The following NUBPL variants were observed in gnomAD, a reference collection of about 807,000 sequenced individuals.
NUBPL encodes the protein iron-sulfur cluster transfer protein NUBPL.
In NUBPL, 31 loss-of-function variants were observed where a neutral mutation model predicts 45.7. The ratio of observed to expected loss-of-function variants is 0.68; its 90% confidence interval spans 0.51 to 0.92. The LOEUF is 0.92. Ranked by LOEUF, NUBPL falls within the 40% of genes least tolerant of loss-of-function variation. NUBPL has a pLI of 0.00. For missense variants in NUBPL, 401 were observed against 398.7 expected (o/e 1.01, Z -0.05); for synonymous variants, 144 against 140.9 (o/e 1.02, Z -0.15).
chr14:31,707,903 C>G (rs553835464), intron 6 of NUBPL, among the ~76,000 whole-genome samples: 2 of 152,270 alleles, frequency 1.3e-5, no homozygotes, highest in East Asian at 1.9e-4. Flanking sequence ...CCTGACCAAA[C>G]AGATGAGGGC....
chr14:31,817,311 T>C (rs1391178611), intron 7 of NUBPL, among the ~76,000 whole-genome samples: 1 of 151,986 alleles, frequency 6.6e-6, no homozygotes, highest in Non-Finnish European at 1.5e-5. Context: ...ACATTCAAAT[T>C]CAAGAAACAC....
chr14:31,738,670 A>T (rs1407978426), intron 6 of NUBPL, among the ~76,000 whole-genome samples: 1 of 152,150 alleles, frequency 6.6e-6, no homozygotes, highest in Non-Finnish European at 1.5e-5. Flanking sequence ...GGTAGCAACT[A>T]CTGTGTTTTT....
intron 6 of NUBPL, among the ~76,000 whole-genome samples, chr14:31,682,585 CT>C (rs2036858947): frequency 1.3e-5 from 2 of 151,630 alleles, no homozygotes; most frequent in East Asian, 3.9e-4. Flanking sequence ...CTGTTTTTTT[CT>C]TTTTTCTTAC....
chr14:31,634,143 T>G (rs1756030257), intron 4 of NUBPL, among the ~76,000 whole-genome samples: 1 of 151,896 alleles, frequency 6.6e-6, no homozygotes, highest in Admixed American at 6.6e-5. Context: ...ATGTGCAGGT[T>G]AGTTACATAT....
intron 7 of NUBPL, among the ~76,000 whole-genome samples, chr14:31,801,566 A>C (rs186546335): frequency 8.5e-5 from 13 of 152,348 alleles, no homozygotes; most frequent in African/African-American, 2.6e-4. Context: ...ACTGTCATTA[A>C]ACCTACAAAC....
chr14:31,747,276 C>T (rs917120900), intron 6 of NUBPL, among the ~76,000 whole-genome samples: 1 of 151,524 alleles, frequency 6.6e-6, no homozygotes. Flanking sequence ...GCTGTGACTA[C>T]AGGCGCCTGC....
intron 7 of NUBPL, among the ~76,000 whole-genome samples, chr14:31,825,820 T>TCC (rs2040092736): frequency 6.6e-6 from 1 of 151,348 alleles, no homozygotes; most frequent in African/African-American, 2.4e-5. Context: ...CTCCTCCTCC[T>TCC]TCTTCTTCTT....
chr14:31,817,706 A>G (rs1412966766), intron 7 of NUBPL, among the ~76,000 whole-genome samples: 1 of 152,252 alleles, frequency 6.6e-6, no homozygotes, highest in Non-Finnish European at 1.5e-5. Flanking sequence ...CTGCAAAAAC[A>G]TACCAAGTTG....
At chr14:31,742,848 A>G (rs576540301) in intron 6 of NUBPL, among the ~76,000 whole-genome samples, 2 of 150,526 alleles carry the variant, frequency 1.3e-5, no homozygotes, top group East Asian at 3.9e-4. Context: ...CTCAAGTAAT[A>G]TGCCTGCCTC....
intron 6 of NUBPL, among the ~76,000 whole-genome samples, chr14:31,721,725 A>T (rs2037812942): frequency 6.6e-6 from 1 of 151,988 alleles, no homozygotes; most frequent in African/African-American, 2.4e-5. Flanking sequence ...TCACACAGGT[A>T]CTAAGCCCAG....
At chr14:31,838,368 A>G (rs1269383782) in intron 8 of NUBPL, among the ~76,000 whole-genome samples, 9 of 151,942 alleles carry the variant, frequency 5.9e-5, no homozygotes, top group African/African-American at 2.2e-4. Context: ...AAACAACCCA[A>G]ATGACCCAAA....
Position 31,582,768 on chromosome 14 carries a change from C to A in NUBPL, c.292-16521C>A, listed in dbSNP as rs114306542. On this transcript the variant is annotated intron_variant, in intron 3 of 10. Coordinates refer to ENST00000281081, the MANE Select transcript of NUBPL (RefSeq NM_025152.3). ...ACGATACATGTTTTGAGCATCATGTCTTTACAAAAGTAGCCTGATAGTAGA... is the reference window on the plus strand; with the variant it reads ...ACGATACATGTTTTGAGCATCATGTATTTACAAAAGTAGCCTGATAGTAGA... 7.8e-3 allele frequency among the ~76,000 whole-genome samples: 1,183 copies of A among 152,142 alleles called. 17 individuals are homozygous for A. Among genetic ancestry groups the A allele is most frequent in the African/African-American group, 0.027 (1,109 of 41,512 alleles).
intron 6 of NUBPL, among the ~76,000 whole-genome samples, chr14:31,722,551 C>G (rs1229136710): frequency 6.6e-6 from 1 of 152,182 alleles, no homozygotes; most frequent in Non-Finnish European, 1.5e-5. Flanking sequence ...AATTTACACT[C>G]CCATCAACAA....
chr14:31,844,804 T>C (rs937574306), intron 8 of NUBPL: 1 of 152,238 alleles, frequency 6.6e-6, no homozygotes, highest in African/African-American at 2.4e-5. Flanking sequence ...TTCTGCATTT[T>C]TATTGTAATC....
rs888454931 is a variant in NUBPL, at chr14:31,685,528, A to G, written c.513+11954A>G. Among the ~76,000 whole-genome samples, 4 of 152,038 alleles carry G rather than the reference A, an allele frequency of 2.6e-5. No homozygotes were observed. In the South Asian group the frequency reaches 8.3e-4, roughly 32 times the overall value. On this transcript the variant is annotated intron_variant, in intron 6 of 10. Transcript: ENST00000281081. The stretch of plus-strand genomic sequence containing the variant: ...AAAGCCTTTTTTTTTCTTAAAGAGG[A>G]CAGCCATACCTTTTACAAGGTGAAA...
At chr14:31,594,792 A>G (rs552935685) in intron 3 of NUBPL, among the ~76,000 whole-genome samples, 28 of 152,348 alleles carry the variant, frequency 1.8e-4, no homozygotes, top group African/African-American at 6.3e-4. Flanking sequence ...AGCTAGGCAG[A>G]AAGAGAAGAA....
At chr14:31,733,562 T>C (rs961126020) in intron 6 of NUBPL, among the ~76,000 whole-genome samples, 1 of 152,182 alleles carries the variant, frequency 6.6e-6, no homozygotes, top group African/African-American at 2.4e-5. Flanking sequence ...GTTGGTTTTA[T>C]TTCTATTTTT....
At chr14:31,777,729 C>T (rs11627538) in intron 6 of NUBPL, among the ~76,000 whole-genome samples, 9,551 of 152,232 alleles carry the variant, frequency 0.063, 406 homozygotes, top group Non-Finnish European at 0.091. Flanking sequence ...ACATTATAAC[C>T]TCAGATGTTC....
At chr14:31,743,810 T>G (rs1175015885) in intron 6 of NUBPL, among the ~76,000 whole-genome samples, 2 of 152,138 alleles carry the variant, frequency 1.3e-5, no homozygotes. Context: ...AGATATTGTG[T>G]GTGTGTGTGT....
Sources: gnomAD v4.1 joint callset for allele counts (sites outside exome capture counted in the v4.1 genomes callset) on GRCh38, gnomAD v4.1.1 for gene constraint, MANE v1.5 for transcripts, NCBI Gene and HGNC (gene_info 2026-07-23, HGNC 2026-07-21) for gene names.